Variants in NAT1 observed in about 807,000 individuals in gnomAD.
The protein encoded by NAT1 is N-acetyltransferase 1.
For missense variants in NAT1, 400 were observed against 339.2 expected, an observed-to-expected ratio of 1.18 and a Z score of -1.41; for synonymous variants, 144 against 122.6, an observed-to-expected ratio of 1.17 and a Z score of -1.16.
chr8:18,199,789 G>A (rs1803386869), intron 2 of NAT1, among the ~76,000 whole-genome samples: 1 of 152,082 alleles, frequency 6.6e-6, no homozygotes, highest in Non-Finnish European at 1.5e-5. Flanking sequence ...GTTTCTTTGT[G>A]CATTTAGGTA....
rs1456685250 is a variant in NAT1 at position 18,222,232 on chromosome 8, G to T, written c.185G>T (p.Arg62Ile). ...GCCATTTTTGATCAAGTTGTGAGAA[G>T]AAATCGGGGTGGATGGTGTCTCCAG... Reference protein sequence around the residue: ...LEAIFDQVVRRNRGGWCLQVN... With the variant: ...LEAIFDQVVRINRGGWCLQVN... The change falls in exon 3 of 3, where the codon AGA becomes ATA. Residue 62 changes from arginine to isoleucine, a missense_variant. Arg to Ile is a moderately conservative substitution (Grantham distance 97). Coordinates refer to ENST00000307719, the MANE Select transcript of NAT1 (RefSeq NM_000662.8). 6.2e-7 allele frequency: 1 copy of T among 1,614,144 alleles called. No homozygotes were observed. The highest frequency in any genetic ancestry group is 1.1e-5 in the South Asian group (1 of 91,078).
intron 1 of NAT1, among the ~76,000 whole-genome samples, chr8:18,213,417 C>A (rs1302136455): frequency 6.6e-6 from 1 of 152,022 alleles, no homozygotes; most frequent in Non-Finnish European, 1.5e-5. Context: ...TTTTCATTGG[C>A]GGGCCATCAG....
intron 2 of NAT1, among the ~76,000 whole-genome samples, chr8:18,189,590 A>G (rs1022300514): frequency 4.6e-5 from 7 of 152,170 alleles, no homozygotes; most frequent in Non-Finnish European, 8.8e-5. Flanking sequence ...GGAAGTGATT[A>G]TTTGAAAAGT....
At chr8:18,182,009 T>C (rs956833937) in intron 2 of NAT1, among the ~76,000 whole-genome samples, 26 of 152,150 alleles carry the variant, frequency 1.7e-4, no homozygotes, top group African/African-American at 3.1e-4. Context: ...CCATACCCAC[T>C]TCCCATTCCC....
chr8:18,205,791 A>G (rs544970357), upstream of NAT1, among the ~76,000 whole-genome samples: 1 of 152,254 alleles, frequency 6.6e-6, no homozygotes, highest in East Asian at 1.9e-4. Flanking sequence ...CAGGTTAGGT[A>G]TAGTGTGCCA....
chr8:18,191,073 A>G (rs1243568789), intron 2 of NAT1, among the ~76,000 whole-genome samples: 4 of 151,502 alleles, frequency 2.6e-5, no homozygotes, highest in African/African-American at 7.3e-5. Context: ...AAAAAAAAAG[A>G]AAAAAAAGAA....
chr8:18,199,797 G>A (rs147746149), intron 2 of NAT1, among the ~76,000 whole-genome samples: 144 of 152,168 alleles, frequency 9.5e-4, no homozygotes, highest in Middle Eastern at 3.4e-3. Flanking sequence ...GTGCATTTAG[G>A]TAAGAAAAGC....
chr8:18,203,167 T>C (rs958184433), intron 2 of NAT1, among the ~76,000 whole-genome samples: 1 of 152,230 alleles, frequency 6.6e-6, no homozygotes, highest in African/African-American at 2.4e-5. Flanking sequence ...TGTATGTTTA[T>C]ACGCTTGTAT....
At chr8:18,191,789 T>C (rs796332046) in intron 2 of NAT1, among the ~76,000 whole-genome samples, 1 of 151,164 alleles carries the variant, frequency 6.6e-6, no homozygotes, top group Non-Finnish European at 1.5e-5. Context: ...TAGCCATATG[T>C]AGAAAGCTGA....
At chr8:18,183,512 G>A (rs191228885) in intron 2 of NAT1, among the ~76,000 whole-genome samples, 36 of 152,306 alleles carry the variant, frequency 2.4e-4, no homozygotes, top group African/African-American at 8.4e-4. Context: ...GCCGGCAGAA[G>A]AAGTTCCTTA....
rs748308092 is a variant in NAT1 at position 18,222,771 on chromosome 8, A to G, written c.724A>G (p.Arg242Gly). The change falls in exon 3 of 3, where the codon AGG becomes GGG. Residue 242 changes from arginine to glycine, a missense_variant. Coordinates refer to ENST00000307719, the MANE Select transcript of NAT1 (RefSeq NM_000662.8). ...HCLVGFTLTH[R>G]RFNYKDNTDL... ...TTTGGTGGGCTTCACCCTCACCCAT[A>G]GGAGATTCAATTATAAGGACAATAC... The G allele has an allele frequency of 6.2e-7, 1 of 1,613,634 alleles. No individual in the cohort carries two copies. Among genetic ancestry groups the G allele is most frequent in the Admixed American group, 1.7e-5 (1 of 59,898 alleles).
intron 2 of NAT1, among the ~76,000 whole-genome samples, chr8:18,190,016 C>G (rs952605544): frequency 6.6e-6 from 1 of 152,184 alleles, no homozygotes; most frequent in African/African-American, 2.4e-5. Flanking sequence ...TCTCGAACTC[C>G]TGACCACAAG....
chr8:18,218,193 T>C (rs1218521929), intron 1 of NAT1, among the ~76,000 whole-genome samples: 3 of 152,194 alleles, frequency 2.0e-5, no homozygotes, highest in Admixed American at 6.5e-5. Flanking sequence ...AGACGATGTT[T>C]CAACACTACT....
intron 1 of NAT1, among the ~76,000 whole-genome samples, chr8:18,211,983 G>C (rs982684307): frequency 6.6e-6 from 1 of 152,190 alleles, no homozygotes; most frequent in African/African-American, 2.4e-5. Flanking sequence ...AGGCCTTACA[G>C]CCCTATCTCA....
intron 2 of NAT1, among the ~76,000 whole-genome samples, chr8:18,187,665 A>T (rs1420053790): frequency 1.3e-5 from 2 of 152,034 alleles, no homozygotes; most frequent in East Asian, 3.9e-4. Flanking sequence ...GAACACATGG[A>T]CACGAAGAAG....
intron 2 of NAT1, among the ~76,000 whole-genome samples, chr8:18,192,929 A>G (rs1439638808): frequency 6.6e-6 from 1 of 151,608 alleles, no homozygotes. Flanking sequence ...AGCATGGCAC[A>G]TGTATACATA....
At chr8:18,216,601 G>A (rs28359500) in intron 1 of NAT1, among the ~76,000 whole-genome samples, 10 of 152,228 alleles carry the variant, frequency 6.6e-5, no homozygotes, top group African/African-American at 1.4e-4. Context: ...CAGTGGCATC[G>A]CTTATAGGTC....
chr8:18,198,050 C>A (rs777504173), intron 2 of NAT1, among the ~76,000 whole-genome samples: 4 of 151,998 alleles, frequency 2.6e-5, no homozygotes, highest in Non-Finnish European at 5.9e-5. Flanking sequence ...AAAAAGTAAA[C>A]CCAAAACAAA....
At chr8:18,183,206 C>T (rs149937413) in intron 2 of NAT1, among the ~76,000 whole-genome samples, 45 of 152,220 alleles carry the variant, frequency 3.0e-4, no homozygotes, top group Middle Eastern at 3.4e-3. Flanking sequence ...GCCCTTTTTA[C>T]GATTGCATTA....
Sources: gnomAD v4.1 joint callset for allele counts (sites outside exome capture counted in the v4.1 genomes callset) on GRCh38, gnomAD v4.1.1 for gene constraint, MANE v1.5 for transcripts, NCBI Gene and HGNC (gene_info 2026-07-23, HGNC 2026-07-21) for gene names.